The following SYNE1 variants were observed in gnomAD, a reference collection of about 807,000 sequenced individuals.
SYNE1 encodes the protein spectrin repeat containing nuclear envelope protein 1.
SYNE1 carries 616 observed loss-of-function variants against 1,111.0 expected under a neutral mutation model. The observed-to-expected ratio is 0.55, with a 90% CI of 0.52 to 0.59. The LOEUF is 0.59. SYNE1 is among the 20% of genes least tolerant of loss of function. The pLI is 0.00. For missense variants in SYNE1, 10,006 were observed against 10,417.0 expected (o/e 0.96, Z 1.72); for synonymous variants, 3,855 against 3,825.8 (o/e 1.01, Z -0.28).
chr6:152,507,537 G>A (rs577494994), intron 8 of SYNE1, among the ~76,000 whole-genome samples: 1 of 152,116 alleles, frequency 6.6e-6, no homozygotes, highest in South Asian at 2.1e-4. Flanking sequence ...TTCCTTAAAA[G>A]TTTTAGTTTT....
rs773040621 is a variant in SYNE1, at chr6:152,281,972, C to T, written c.18216G>A (p.Leu6072=). The T allele has an allele frequency of 3.1e-6, 5 of 1,613,908 alleles. No individual in the cohort carries two copies. The South Asian group carries it at 5.5e-5, about 18-fold the overall frequency. Residue 6072 remains leucine (L), a synonymous_variant, in exon 97 of 146, where the codon TTG becomes TTA. Coordinates refer to ENST00000367255, the MANE Select transcript of SYNE1 (RefSeq NM_182961.4). Reference sequence around the variant, plus strand: ...GCCTTTGTTCCTCCAGCTGATCATTCAACTTCTCCTGTTGAATTCAGTAGA... The same window carrying T: ...GCCTTTGTTCCTCCAGCTGATCATTTAACTTCTCCTGTTGAATTCAGTAGA... The part of the protein sequence containing the change: ...SGKRQLLEEK[L]NDQLEEQRQE...
intron 142 of SYNE1, chr6:152,133,805 G>A (rs2056417985): frequency 3.0e-6 from 1 of 330,248 alleles, no homozygotes; most frequent in Non-Finnish European, 5.7e-6. Flanking sequence ...CAAGTGAGAT[G>A]TAAGATAATC....
At chr6:152,529,157 C>T (rs1157827654) in intron 4 of SYNE1, among the ~76,000 whole-genome samples, 2 of 152,156 alleles carry the variant, frequency 1.3e-5, no homozygotes, top group Admixed American at 1.3e-4. Context: ...ATTTTATTAT[C>T]TTTCTCCTTT....
At chr6:152,382,813 C>T (rs946824405) in intron 55 of SYNE1, among the ~76,000 whole-genome samples, 1 of 152,160 alleles carries the variant, frequency 6.6e-6, no homozygotes, top group African/African-American at 2.4e-5. Context: ...AAATGGAACA[C>T]TTCAATATTT....
At chr6:152,581,004 T>C (rs1217423642) in intron 3 of SYNE1, among the ~76,000 whole-genome samples, 1 of 152,246 alleles carries the variant, frequency 6.6e-6, no homozygotes, top group Non-Finnish European at 1.5e-5. Context: ...TGGCTTCTTA[T>C]ACAATGTGTT....
chr6:152,629,732 G>A (rs537380403), intron 2 of SYNE1, among the ~76,000 whole-genome samples: 2 of 152,004 alleles, frequency 1.3e-5, no homozygotes, highest in Non-Finnish European at 2.9e-5. Flanking sequence ...AGAAAGAAAC[G>A]GCCTCCGAAG....
rs377228212 is a variant in SYNE1 at position 152,246,648 on chromosome 6, TA to T, written c.19573-1993del. Among the ~76,000 whole-genome samples the T allele has an allele frequency of 5.9e-3, 906 of 152,284 alleles. 7 individuals are homozygous for T. The highest frequency in any genetic ancestry group is 0.021 in the African/African-American group (858 of 41,554). ...ACAGGTAAAATGCAGGAAAGAAATGTATTAAATAAATCATTAGAAAATTTTC... is the reference window on the plus strand; with the variant it reads ...ACAGGTAAAATGCAGGAAAGAAATGTTTAAATAAATCATTAGAAAATTTTC... On this transcript the variant is annotated intron_variant, in intron 105 of 145. Coordinates refer to ENST00000367255, the MANE Select transcript of SYNE1 (RefSeq NM_182961.4).
Position 152,353,289 on chromosome 6 carries a change from T to C in SYNE1, c.11227A>G (p.Met3743Val), listed in dbSNP as rs1156415357. 1 of 1,614,072 alleles carries C rather than the reference T, an allele frequency of 6.2e-7. No homozygotes were observed. The highest frequency in any genetic ancestry group is 2.2e-5 in the East Asian group (1 of 44,890). Reference sequence around the variant, plus strand: ...TCCAACGTCTTCAATTTCTTCCCCATCATTACTGTATCTACTTTGTCAATC... The same window carrying C: ...TCCAACGTCTTCAATTTCTTCCCCACCATTACTGTATCTACTTTGTCAATC... ...TKIDKVDTVM[M>V]GKKLKTLEVL... Residue 3743 changes from methionine (M) to valine (V), a missense_variant, in exon 69 of 146, where the codon ATG becomes GTG. Coordinates refer to ENST00000367255, the MANE Select transcript of SYNE1 (RefSeq NM_182961.4).
intron 34 of SYNE1, among the ~76,000 whole-genome samples, chr6:152,431,548 C>T (rs1480578568): frequency 1.3e-5 from 2 of 152,146 alleles, no homozygotes; most frequent in African/African-American, 4.8e-5. Context: ...CTCTCACAAA[C>T]ATAGAAGCTT....
chr6:152,278,111 T>C lies in SYNE1; in HGVS notation c.18551A>G (p.His6184Arg), dbSNP rs2093773675. 1 of 1,614,040 alleles carries C rather than the reference T, an allele frequency of 6.2e-7. No individual in the cohort carries two copies. Among genetic ancestry groups the C allele is most frequent in the African/African-American group, 1.3e-5 (1 of 75,070 alleles). ...CACCTGCATGTTGAGCTGCTTATCA[T>C]GCAGGGCTCTCTGCAGCTCCAGCAG... ...GSLLELQRAL[H>R]DKQLNMQGTA... The change falls in exon 98 of 146, where the codon CAT becomes CGT. Residue 6184 changes from histidine to arginine, a missense_variant. This residue lies in a region of SYNE1 where 2,182 missense variants were observed against 2,287.8 expected (regional missense o/e 0.95). Transcript: ENST00000367255.
At chr6:152,321,919 G>A in intron 82 of SYNE1, 33 bp from the exon 83 acceptor site, 1 of 1,613,064 alleles carries the variant, frequency 6.2e-7, no homozygotes, top group Non-Finnish European at 8.5e-7. Context: ...AAACAGAAGT[G>A]AAGTGAAAGG....
At chr6:152,189,766 C>A (rs948521654) in intron 127 of SYNE1, among the ~76,000 whole-genome samples, 1 of 152,178 alleles carries the variant, frequency 6.6e-6, no homozygotes, top group African/African-American at 2.4e-5. Context: ...CATCTGAGGC[C>A]TCAGCAAGTC....
Position 152,231,419 on chromosome 6 carries a change from T to C in SYNE1, c.21011A>G (p.Gln7004Arg), listed in dbSNP as rs551020155. Residue 7004 changes from glutamine to arginine, a missense_variant, in exon 114 of 146, where the codon CAA becomes CGA. Physicochemically the swap from Gln to Arg is conservative, Grantham distance 43 (BLOSUM62 1). Coordinates refer to ENST00000367255, the MANE Select transcript of SYNE1 (RefSeq NM_182961.4). The part of the protein sequence containing the change: ...EQLGAMNKSW[Q>R]ILQGLVTEKI... ...CTCAGTTACTAGACCTTGCAGAATT[T>C]GCCAACTTTTATTCATTGCTCCAAG... 1 of 1,614,170 alleles carries C rather than the reference T, an allele frequency of 6.2e-7. No homozygotes were observed. Among genetic ancestry groups the C allele is most frequent in the East Asian group, 2.2e-5 (1 of 44,864 alleles).
chr6:152,239,618 T>A lies in SYNE1; in HGVS notation c.19982A>T (p.Gln6661Leu). The change falls in exon 108 of 146, where the codon CAG becomes CTG. Residue 6661 changes from glutamine to leucine, a missense_variant. Transcript: ENST00000367255. ...IISFAVQKET[Q>L]FHTELMAQAS... is the part of the protein sequence containing the mutation. ...CTGAGCCATCAGCTCTGTATGGAAC[T>A]GGGTTTCCTTTTGGACTGCAAAGCT... The A allele has an allele frequency of 6.2e-7, 1 of 1,614,238 alleles. No individual in the cohort carries two copies. The highest frequency in any genetic ancestry group is 8.5e-7 in the Non-Finnish European group (1 of 1,180,046).
chr6:152,545,902 T>A (rs545011095), intron 3 of SYNE1: 4 of 152,310 alleles, frequency 2.6e-5, no homozygotes, highest in African/African-American at 7.2e-5. Context: ...TGGTAGTATC[T>A]AATAAAGATT....
At position 152,358,359 on chromosome 6, in the gene SYNE1, A is replaced by G. The variant is rs569211236; in HGVS notation, c.10608+14T>C. On this transcript the variant is annotated intron_variant, in intron 66 of 145. Coordinates refer to ENST00000367255, the MANE Select transcript of SYNE1 (RefSeq NM_182961.4). ...AATGAAGATTCCTTTGTTTTAGGAT[A>G]AAGGAGGCCTTACCTGAAGATCACG... 6.2e-7 allele frequency: 1 copy of G among 1,614,172 alleles called. No individual in the cohort carries two copies. Among genetic ancestry groups the G allele is most frequent in the South Asian group, 1.1e-5 (1 of 91,086 alleles).
chr6:152,413,617 A>G, intron 41 of SYNE1, 86 bp from the exon 42 acceptor site: 13 of 1,349,440 alleles, frequency 9.6e-6, no homozygotes, highest in African/African-American at 1.4e-5. Context: ...ATGAGTCCAT[A>G]AAGCACTCAT....
At chr6:152,268,555 A>G (rs999245533) in intron 99 of SYNE1, among the ~76,000 whole-genome samples, 6 of 152,190 alleles carry the variant, frequency 3.9e-5, no homozygotes, top group Non-Finnish European at 7.4e-5. Context: ...TTGATAAATT[A>G]GGTTATCAAT....
In SYNE1 at chr6:152,520,444, T is replaced by C; in HGVS notation, c.309+15A>G. ...ACCTTCTTCCTTGGGCATTTTGTTT[T>C]TGTTTCTCTCTTACCTTTCTTCCTT... On this transcript the variant is annotated intron_variant, in intron 6 of 145. Coordinates refer to ENST00000367255, the MANE Select transcript of SYNE1 (RefSeq NM_182961.4). The C allele has an allele frequency of 6.2e-7, 1 of 1,612,830 alleles. No homozygotes were observed. The highest frequency in any genetic ancestry group is 8.5e-7 in the Non-Finnish European group (1 of 1,179,430).
Sources: allele counts gnomAD v4.1 joint callset (sites outside exome capture counted in the v4.1 genomes callset), GRCh38; gene constraint gnomAD v4.1.1; regional missense constraint gnomAD v4.1.1; transcripts MANE v1.5; gene names NCBI Gene and HGNC (gene_info 2026-07-23, HGNC 2026-07-21).